The following SEMA6D variants were observed in gnomAD, a reference collection of about 807,000 sequenced individuals.
SEMA6D encodes semaphorin-6D.
In SEMA6D, 35 loss-of-function variants were observed where a neutral mutation model predicts 106.6. That is an observed-to-expected ratio of 0.33 (90% CI 0.25 to 0.44). The LOEUF (loss-of-function observed/expected upper bound fraction) is 0.44, where lower values mean the gene tolerates loss of function less well. Among genes scored for constraint, SEMA6D ranks in the 20% least tolerant of loss-of-function variants. The probability of loss-of-function intolerance (pLI) is 1.00; values close to 1 mark genes in which losing one functional copy is unlikely to be tolerated. For missense variants in SEMA6D, 1,185 were observed against 1,345.9 expected (o/e 0.88, Z 1.87); for synonymous variants, 499 against 487.7 (o/e 1.02, Z -0.31).
rs1356101291 is a variant in SEMA6D at position 47,306,329 on chromosome 15, CA to C, written c.-238-106062del. 2.0e-5 allele frequency among the ~76,000 whole-genome samples: 3 copies of C among 152,066 alleles called. No individual in the cohort carries two copies. The East Asian group carries it at 5.8e-4, about 29-fold the overall frequency. Reference sequence around the variant, plus strand: ...CTGGCTCTGGTATTAAGGGGCTTTGCAAGGAATTTTTTTCTTTCCTCTTTTA... The same window carrying C: ...CTGGCTCTGGTATTAAGGGGCTTTGCAGGAATTTTTTTCTTTCCTCTTTTA... On this transcript the variant is annotated intron_variant, in intron 1 of 19. Coordinates refer to the SEMA6D transcript ENST00000558014.
chr15:47,462,642 A>G (rs974139571), intron 2 of SEMA6D, among the ~76,000 whole-genome samples: 4 of 152,100 alleles, frequency 2.6e-5, no homozygotes, highest in Non-Finnish European at 5.9e-5. Flanking sequence ...TCAGATAGAA[A>G]CAAAAACACA....
At position 47,673,707 on chromosome 15, in the gene SEMA6D, G is replaced by A. The variant is rs184609220; in HGVS notation, c.-55+72811G>A. On this transcript the variant is annotated intron_variant, in intron 4 of 19. Coordinates refer to the SEMA6D transcript ENST00000558014. ...GAAAAGGAGGGAGCTGTCACGTGGG[G>A]GGAGAATTAGCCTCAGAATAACTGG... Among the ~76,000 whole-genome samples the A allele has an allele frequency of 1.3e-4, 20 of 152,260 alleles. No individual in the cohort carries two copies. In the East Asian group the frequency reaches 3.9e-3, roughly 29 times the overall value.
intron 2 of SEMA6D, among the ~76,000 whole-genome samples, chr15:47,430,728 A>G (rs1396389905): frequency 6.6e-6 from 1 of 151,970 alleles, no homozygotes; most frequent in Non-Finnish European, 1.5e-5. Context: ...GCCCAAGGTA[A>G]TGTCTCAAAG....
At chr15:47,230,401 A>C (rs180727820) in intron 1 of SEMA6D, among the ~76,000 whole-genome samples, 35 of 152,200 alleles carry the variant, frequency 2.3e-4, no homozygotes, top group Admixed American at 2.1e-3. Context: ...TCAAACAAGA[A>C]AGCACCACCA....
chr15:47,645,999 C>T (rs539486785), intron 4 of SEMA6D, among the ~76,000 whole-genome samples: 27 of 152,196 alleles, frequency 1.8e-4, no homozygotes, highest in Non-Finnish European at 2.9e-4. Flanking sequence ...TCTGCATGCT[C>T]AGCTATCCAG....
chr15:47,685,445 G>A (rs2078447966), intron 4 of SEMA6D, among the ~76,000 whole-genome samples: 2 of 152,202 alleles, frequency 1.3e-5, no homozygotes, highest in Admixed American at 6.5e-5. Flanking sequence ...CTGGTCTGCT[G>A]GATGTCTTTT....
intron 4 of SEMA6D, among the ~76,000 whole-genome samples, chr15:47,672,641 T>C (rs1426858961): frequency 3.3e-5 from 5 of 152,186 alleles, no homozygotes; most frequent in Non-Finnish European, 7.3e-5. Flanking sequence ...GTATTGATGA[T>C]ATCAATAAAA....
intron 4 of SEMA6D, among the ~76,000 whole-genome samples, chr15:47,640,286 GA>G (rs1359919133): frequency 6.6e-6 from 1 of 152,172 alleles, no homozygotes; most frequent in Non-Finnish European, 1.5e-5. Flanking sequence ...CATCTGCAGG[GA>G]AAGCCCTGCA....
intron 1 of SEMA6D, among the ~76,000 whole-genome samples, chr15:47,232,418 C>T (rs1383884576): frequency 3.3e-5 from 5 of 151,888 alleles, no homozygotes; most frequent in African/African-American, 9.7e-5. Flanking sequence ...GAGGAACTGT[C>T]AAAAGTGTTT....
chr15:47,624,612 C>T (rs2077169867), intron 4 of SEMA6D, among the ~76,000 whole-genome samples: 1 of 152,140 alleles, frequency 6.6e-6, no homozygotes, highest in African/African-American at 2.4e-5. Flanking sequence ...CCAAAGAACA[C>T]AAATCTTGTA....
At chr15:47,236,719 T>C (rs17285149) in intron 1 of SEMA6D, among the ~76,000 whole-genome samples, 1,778 of 152,240 alleles carry the variant, frequency 0.012, 34 homozygotes, top group Admixed American at 0.012. Flanking sequence ...TCAATCACTT[T>C]CTATAAAAGG....
intron 1 of SEMA6D, among the ~76,000 whole-genome samples, chr15:47,255,417 T>A (rs953815537): frequency 6.6e-6 from 1 of 152,102 alleles, no homozygotes; most frequent in African/African-American, 2.4e-5. Context: ...TTTATTTTTT[T>A]AATCTCTATT....
chr15:47,401,446 C>T (rs763520244), intron 1 of SEMA6D, among the ~76,000 whole-genome samples: 19 of 152,146 alleles, frequency 1.2e-4, no homozygotes, highest in Non-Finnish European at 2.5e-4. Flanking sequence ...AAATTATCTA[C>T]AATAATAAAG....
rs753476298 is a variant in SEMA6D at position 47,456,141 on chromosome 15, C to A, written c.-158-14333C>A. Among the ~76,000 whole-genome samples the A allele has an allele frequency of 5.3e-5, 8 of 151,900 alleles. No homozygotes were observed. In the South Asian group the frequency reaches 1.7e-3, roughly 32 times the overall value. ...ATTAGGATATAGAACCAGCAGGAAG[C>A]TTGACCAAACAAGGTGTTGGAGGCA... On this transcript the variant is annotated intron_variant, in intron 2 of 19. Coordinates refer to the SEMA6D transcript ENST00000558014.
intron 4 of SEMA6D, among the ~76,000 whole-genome samples, chr15:47,711,904 A>AT (rs2079031087): frequency 6.6e-6 from 1 of 152,160 alleles, no homozygotes; most frequent in African/African-American, 2.4e-5. Flanking sequence ...TGTACCTATA[A>AT]TGTAGGGGTT....
At chr15:47,598,096 A>G (rs2076573458) in intron 3 of SEMA6D, among the ~76,000 whole-genome samples, 1 of 151,944 alleles carries the variant, frequency 6.6e-6, no homozygotes, top group Admixed American at 6.6e-5. Context: ...CTCTAAAAGG[A>G]GATTATACTG....
At chr15:47,293,612 G>A (rs752036908) in intron 1 of SEMA6D, among the ~76,000 whole-genome samples, 5 of 152,174 alleles carry the variant, frequency 3.3e-5, no homozygotes, top group Non-Finnish European at 5.9e-5. Context: ...TGAGAAGGGC[G>A]ATGTGTATAT....
At chr15:47,351,048 C>A (rs1392615004) in intron 1 of SEMA6D, among the ~76,000 whole-genome samples, 1 of 152,166 alleles carries the variant, frequency 6.6e-6, no homozygotes, top group Non-Finnish European at 1.5e-5. Flanking sequence ...TCATTAAATA[C>A]CCTGCCCAGC....
chr15:47,472,996 T>A (rs565417046), intron 3 of SEMA6D, among the ~76,000 whole-genome samples: 1 of 152,298 alleles, frequency 6.6e-6, no homozygotes, highest in African/African-American at 2.4e-5. Context: ...AAACTGTAAC[T>A]GTGATAAGTT....
Sources: allele counts gnomAD v4.1 joint callset (sites outside exome capture counted in the v4.1 genomes callset), GRCh38; gene constraint gnomAD v4.1.1; transcripts MANE v1.5; gene names NCBI Gene and HGNC (gene_info 2026-07-23, HGNC 2026-07-21).